Variants in PRDM6 observed in about 807,000 individuals in gnomAD.
The protein encoded by PRDM6 is putative histone-lysine N-methyltransferase PRDM6.
Under a neutral mutation model 60.8 loss-of-function variants are expected in PRDM6, and 25 were observed. That is an observed-to-expected ratio of 0.41 (90% confidence interval 0.30 to 0.57). The LOEUF (loss-of-function observed/expected upper bound fraction) is 0.57, where lower values mean the gene tolerates loss of function less well. PRDM6 is among the 20% of genes least tolerant of loss of function. The pLI is 0.27. For missense variants in PRDM6, 839 were observed against 821.3 expected, an observed-to-expected ratio of 1.02 and a Z score of -0.26; for synonymous variants, 407 against 357.4, an observed-to-expected ratio of 1.14 and a Z score of -1.57.
At chr5:123,094,162 G>A (rs1763906959) in intron 2 of PRDM6, among the ~76,000 whole-genome samples, 1 of 152,148 alleles carries the variant, frequency 6.6e-6, no homozygotes. Context: ...GGTTTGTCCG[G>A]TTGCTTGCTA....
At chr5:123,095,806 T>C (rs548403566) in intron 2 of PRDM6, among the ~76,000 whole-genome samples, 1 of 152,340 alleles carries the variant, frequency 6.6e-6, no homozygotes, top group South Asian at 2.1e-4. Flanking sequence ...CGCCTACACA[T>C]GACTGTTGGC....
At chr5:123,128,573 A>C (rs895003475) in intron 3 of PRDM6, among the ~76,000 whole-genome samples, 1 of 152,186 alleles carries the variant, frequency 6.6e-6, no homozygotes, top group African/African-American at 2.4e-5. Flanking sequence ...TCTTCTTTTG[A>C]GAAGTGTCTG....
intron 2 of PRDM6, among the ~76,000 whole-genome samples, chr5:123,098,501 G>T (rs926814919): frequency 6.6e-6 from 1 of 152,226 alleles, no homozygotes; most frequent in African/African-American, 2.4e-5. Context: ...CAGCGCAGTC[G>T]CCACAGGCTC....
At chr5:123,153,404 A>G (rs556548919) in intron 3 of PRDM6, among the ~76,000 whole-genome samples, 2 of 152,314 alleles carry the variant, frequency 1.3e-5, no homozygotes, top group Admixed American at 1.3e-4. Context: ...GATGATGGCT[A>G]GGCTCTGGGG....
intron 5 of PRDM6, among the ~76,000 whole-genome samples, chr5:123,163,746 G>A (rs1765685303): frequency 6.6e-6 from 1 of 152,022 alleles, no homozygotes; most frequent in Non-Finnish European, 1.5e-5. Flanking sequence ...ATTCATATTC[G>A]TTTCAGAGGA....
intron 4 of PRDM6, among the ~76,000 whole-genome samples, chr5:123,156,492 C>T (rs1407096104): frequency 6.6e-6 from 1 of 152,152 alleles, no homozygotes. Context: ...TTTCCAAAAC[C>T]GTTAGACTTA....
chr5:123,170,681 TATTTG>T, intron 5 of PRDM6, 80 bp from the exon 6 acceptor site: 1 of 964,900 alleles, frequency 1.0e-6, no homozygotes, highest in Non-Finnish European at 1.5e-6. Flanking sequence ...AAGGTTGATT[TATTTG>T]ATTTTTTAAA....
intron 2 of PRDM6, among the ~76,000 whole-genome samples, chr5:123,095,382 G>C (rs1030644706): frequency 2.0e-5 from 3 of 152,230 alleles, no homozygotes; most frequent in Admixed American, 6.5e-5. Context: ...CTAGCCTATA[G>C]CTCGAGAAGG....
At chr5:123,183,551 G>A (rs890039876) in intron 7 of PRDM6, among the ~76,000 whole-genome samples, 2 of 152,162 alleles carry the variant, frequency 1.3e-5, no homozygotes, top group African/African-American at 2.4e-5. Context: ...GGGCCTGTCA[G>A]CAGCTACCCT....
At chr5:123,166,239 T>G (rs10067130) in intron 5 of PRDM6, among the ~76,000 whole-genome samples, 7 of 152,062 alleles carry the variant, frequency 4.6e-5, no homozygotes, top group Admixed American at 4.6e-4. Context: ...TCCTTCCTAC[T>G]TCAGCATGGC....
At chr5:123,133,163 T>A (rs1164348214) in intron 3 of PRDM6, among the ~76,000 whole-genome samples, 6 of 152,144 alleles carry the variant, frequency 3.9e-5, no homozygotes, top group Non-Finnish European at 1.5e-5. Context: ...AAATAATTAC[T>A]TGATTGCAGA....
intron 3 of PRDM6, among the ~76,000 whole-genome samples, chr5:123,125,012 G>T (rs1224089754): frequency 6.6e-6 from 1 of 151,228 alleles, no homozygotes; most frequent in East Asian, 1.9e-4. Flanking sequence ...AAGGTTTGAT[G>T]CCAGAATTTC....
intron 3 of PRDM6, among the ~76,000 whole-genome samples, chr5:123,130,816 C>T (rs902626824): frequency 2.0e-5 from 3 of 152,188 alleles, no homozygotes; most frequent in Non-Finnish European, 4.4e-5. Flanking sequence ...ATCCGCCTGC[C>T]TCGGCCTCCC....
chr5:123,120,791 T>C (rs1033257065), intron 3 of PRDM6, among the ~76,000 whole-genome samples: 11 of 152,240 alleles, frequency 7.2e-5, no homozygotes, highest in African/African-American at 2.4e-4. Context: ...GTTTCCTTAC[T>C]GTTAAACCCT....
intron 3 of PRDM6, among the ~76,000 whole-genome samples, chr5:123,120,651 A>G (rs1322748674): frequency 1.3e-5 from 2 of 152,246 alleles, no homozygotes; most frequent in East Asian, 3.8e-4. Context: ...GCCTATGGGC[A>G]TGTAGTATGC....
At chr5:123,118,394 G>T (rs537061873) in intron 3 of PRDM6, among the ~76,000 whole-genome samples, 10 of 152,310 alleles carry the variant, frequency 6.6e-5, no homozygotes, top group African/African-American at 1.9e-4. Flanking sequence ...TAGGTAGAGA[G>T]TTGCGGTTTG....
chr5:123,107,849 G>A (rs1268459474), intron 3 of PRDM6, among the ~76,000 whole-genome samples: 1 of 152,196 alleles, frequency 6.6e-6, no homozygotes, highest in Non-Finnish European at 1.5e-5. Context: ...ATTTGCTAAT[G>A]TTGCCTAAGT....
intron 3 of PRDM6, among the ~76,000 whole-genome samples, chr5:123,113,678 C>T (rs1270041830): frequency 6.6e-6 from 1 of 152,156 alleles, no homozygotes; most frequent in African/African-American, 2.4e-5. Context: ...CCTGTACTCC[C>T]ATTAAATTAC....
rs368034022 is a variant in PRDM6, at chr5:123,090,276, A to C, written c.262A>C (p.Thr88Pro). The change falls in exon 2 of 8, where the codon ACC becomes CCC. Residue 88 changes from threonine (T) to proline (P), a missense_variant. This residue lies in a region of PRDM6 where 730 missense variants were observed against 648.8 expected (regional missense o/e 1.13). Coordinates refer to ENST00000407847, the MANE Select transcript of PRDM6 (RefSeq NM_001136239.4). ...SASSTPASSSTSASSASSCAA... is the reference protein window; with the variant it reads ...SASSTPASSSPSASSASSCAA... ...CTCGTCCACGCCGGCTTCCTCTTCC[A>C]CCTCCGCCTCCTCCGCCTCCTCCTG... The C allele has an allele frequency of 6.7e-7, 1 of 1,481,676 alleles. No individual in the cohort carries two copies. The allele number at this position is 1,481,676 out of a possible 1,614,324, so 91.8% of individuals were successfully genotyped here. A position where few individuals can be genotyped will look rare whatever the true frequency, so the allele number is the denominator to read the frequency against.
Sources: gnomAD v4.1 joint callset for allele counts (sites outside exome capture counted in the v4.1 genomes callset) on GRCh38, gnomAD v4.1.1 for gene constraint, gnomAD v4.1.1 regional missense constraint, MANE v1.5 for transcripts, NCBI Gene and HGNC (gene_info 2026-07-23, HGNC 2026-07-21) for gene names.